Variants in TBC1D19 observed in about 807,000 individuals in gnomAD.
TBC1D19 encodes the protein TBC1 domain family, member 19.
TBC1D19 carries 60 observed loss-of-function variants against 89.0 expected under a neutral mutation model. The observed-to-expected ratio is 0.67, with a 90% confidence interval of 0.55 to 0.84. TBC1D19 has a LOEUF of 0.84. Among genes scored for constraint, TBC1D19 ranks in the 40% least tolerant of loss-of-function variants. The probability of loss-of-function intolerance (pLI) is 0.00; values close to 1 mark genes in which losing one functional copy is unlikely to be tolerated. For synonymous variants in TBC1D19, 189 were observed against 199.7 expected (o/e 0.95, Z 0.45); for missense variants, 500 against 610.8 (o/e 0.82, Z 1.91).
At chr4:26,690,028 A>G (rs1275811406) in intron 13 of TBC1D19, among the ~76,000 whole-genome samples, 1 of 152,232 alleles carries the variant, frequency 6.6e-6, no homozygotes, top group Non-Finnish European at 1.5e-5. Context: ...GGAAATTAAA[A>G]GTGTTACTCT....
rs572780500 is a variant in TBC1D19 at position 26,705,378 on chromosome 4, G to A, written c.955-12555G>A. On this transcript the variant is annotated intron_variant, in intron 13 of 20. Coordinates refer to ENST00000264866, the MANE Select transcript of TBC1D19 (RefSeq NM_018317.4). ...CCAAATCCAATGTTGTGAAGATTTT[G>A]CACTATGTTTTCTTCTATGAGTTTT... Among the ~76,000 whole-genome samples, 24 of 152,214 alleles carry A rather than the reference G, an allele frequency of 1.6e-4. No individual in the cohort carries two copies. In the South Asian group the frequency reaches 4.8e-3, roughly 30 times the overall value.
intron 18 of TBC1D19, 84 bp downstream of exon 18, chr4:26,742,683 G>A (rs1029072217): frequency 1.7e-5 from 17 of 976,216 alleles, no homozygotes; most frequent in East Asian, 1.6e-4. Context: ...TTGCAAATAC[G>A]TAATTTTTCA....
At chr4:26,712,775 C>G (rs560669816) in intron 13 of TBC1D19, among the ~76,000 whole-genome samples, 1 of 151,984 alleles carries the variant, frequency 6.6e-6, no homozygotes, top group African/African-American at 2.4e-5. Context: ...ACAAAGAGAC[C>G]AAACATGAGA....
chr4:26,595,372 T>C (rs1740142499), intron 1 of TBC1D19, among the ~76,000 whole-genome samples: 1 of 152,244 alleles, frequency 6.6e-6, no homozygotes, highest in South Asian at 2.1e-4. Context: ...CTAGTCTTTT[T>C]ATTTTCTTCA....
chr4:26,636,682 A>G (rs1743153355), intron 4 of TBC1D19, among the ~76,000 whole-genome samples: 1 of 151,978 alleles, frequency 6.6e-6, no homozygotes, highest in Non-Finnish European at 1.5e-5. Flanking sequence ...TGAAATATTA[A>G]TTTTCTTAGG....
chr4:26,754,872 G>T lies in TBC1D19; in HGVS notation c.1507-1G>T. On this transcript the variant is annotated splice_acceptor_variant, in intron 20 of 20. Transcript: ENST00000264866. LOFTEE classifies it high-confidence loss of function. ...ATAATTCTTTTTATTTTTTGTTTCA[G>T]GCAGTTCTTGCTGACCTTTCTACTT... The T allele has an allele frequency of 6.3e-7, 1 of 1,589,938 alleles. No homozygotes were observed. The highest frequency in any genetic ancestry group is 8.5e-7 in the Non-Finnish European group (1 of 1,172,472).
At chr4:26,742,924 A>G (rs1718454594) in intron 18 of TBC1D19, among the ~76,000 whole-genome samples, 2 of 152,166 alleles carry the variant, frequency 1.3e-5, no homozygotes, top group South Asian at 4.1e-4. Flanking sequence ...ACTACCTGAG[A>G]AACATGATCA....
chr4:26,614,416 A>C lies in TBC1D19; in HGVS notation c.181A>C (p.Lys61Gln). Residue 61 changes from lysine to glutamine, a missense_variant, in exon 3 of 21, where the codon AAG becomes CAG. Lys to Gln is a moderately conservative substitution (Grantham distance 53). This residue lies in a region of TBC1D19 where 280 missense variants were observed against 291.7 expected (regional missense o/e 0.96). Transcript: ENST00000264866. The part of the protein sequence containing the change: ...KEFFKISGWE[K>Q]KLQNAVYSEL... ...CTTTTTTTAAAAAACAGGTTGGGAG[A>C]AGAAACTTCAGAATGCTGTTTATAG... 4 of 1,591,848 alleles carry C rather than the reference A, an allele frequency of 2.5e-6. No individual in the cohort carries two copies. Among genetic ancestry groups the C allele is most frequent in the Non-Finnish European group, 3.4e-6 (4 of 1,170,218 alleles).
chr4:26,764,696 A>G, the TBC1D19 span, among the ~76,000 whole-genome samples: 1 of 152,202 alleles, frequency 6.6e-6, no homozygotes. Context: ...ACCTATAATG[A>G]TGGGTCATGG....
At chr4:26,807,237 A>G in the TBC1D19 span, among the ~76,000 whole-genome samples, 1 of 152,098 alleles carries the variant, frequency 6.6e-6, no homozygotes, top group South Asian at 2.1e-4. Flanking sequence ...GGAGACCGGT[A>G]TCCGACCTGA....
intron 13 of TBC1D19, among the ~76,000 whole-genome samples, chr4:26,708,862 A>G (rs562361485): frequency 5.3e-5 from 8 of 151,676 alleles, no homozygotes; most frequent in African/African-American, 1.9e-4. Context: ...TGTTTTGTTC[A>G]TATATTTTTT....
chr4:26,818,636 G>A, the TBC1D19 span, among the ~76,000 whole-genome samples: 1 of 151,930 alleles, frequency 6.6e-6, no homozygotes, highest in Admixed American at 6.5e-5. Context: ...TTCCCCAAAT[G>A]TTAACATTTA....
At chr4:26,710,304 AGTTT>A (rs1210106327) in intron 13 of TBC1D19, among the ~76,000 whole-genome samples, 1 of 151,952 alleles carries the variant, frequency 6.6e-6, no homozygotes, top group Non-Finnish European at 1.5e-5. Flanking sequence ...TCCTTGTGAT[AGTTT>A]GCTGAGAATG....
chr4:26,722,410 A>C (rs1240227816), intron 15 of TBC1D19, among the ~76,000 whole-genome samples: 1 of 152,186 alleles, frequency 6.6e-6, no homozygotes, highest in Non-Finnish European at 1.5e-5. Context: ...TGTCTAACAA[A>C]TTGGTTAACT....
At chr4:26,788,714 C>G in the TBC1D19 span, among the ~76,000 whole-genome samples, 5 of 152,176 alleles carry the variant, frequency 3.3e-5, no homozygotes, top group Admixed American at 3.3e-4. Flanking sequence ...ACTTTGAAAA[C>G]CTTTGTGCCA....
At chr4:26,771,453 A>T in the TBC1D19 span, among the ~76,000 whole-genome samples, 3 of 152,210 alleles carry the variant, frequency 2.0e-5, no homozygotes, top group Non-Finnish European at 2.9e-5. Flanking sequence ...GAATAAAGAA[A>T]GGTGGTATAT....
At chr4:26,604,099 TATC>T (rs1740806631) in intron 1 of TBC1D19, among the ~76,000 whole-genome samples, 1 of 152,042 alleles carries the variant, frequency 6.6e-6, no homozygotes, top group Non-Finnish European at 1.5e-5. Context: ...CTTAGCCTGA[TATC>T]ATGAACGTTC....
Position 26,681,572 on chromosome 4 carries a change from A to G in TBC1D19, c.817-2103A>G, listed in dbSNP as rs973732924. 3.3e-5 allele frequency among the ~76,000 whole-genome samples: 5 copies of G among 152,186 alleles called. No homozygotes were observed. In the South Asian group the frequency reaches 1.0e-3, roughly 32 times the overall value. Reference sequence around the variant, plus strand: ...TCTCAAAAAAAATATATATATATACAGCCTTCAGTCTATAATCCTGCCTTT... The same window carrying G: ...TCTCAAAAAAAATATATATATATACGGCCTTCAGTCTATAATCCTGCCTTT... On this transcript the variant is annotated intron_variant, in intron 11 of 20. Coordinates refer to ENST00000264866, the MANE Select transcript of TBC1D19 (RefSeq NM_018317.4).
intron 16 of TBC1D19, among the ~76,000 whole-genome samples, chr4:26,738,469 T>A (rs533141987): frequency 9.9e-5 from 15 of 152,016 alleles, no homozygotes; most frequent in Non-Finnish European, 1.8e-4. Context: ...CTTAGGTTGT[T>A]ATTGTAATTA....
Sources: allele counts gnomAD v4.1 joint callset (sites outside exome capture counted in the v4.1 genomes callset), GRCh38; gene constraint gnomAD v4.1.1; regional missense constraint gnomAD v4.1.1; transcripts MANE v1.5; gene names NCBI Gene and HGNC (gene_info 2026-07-23, HGNC 2026-07-21).